Variants in ALK observed in about 807,000 individuals in gnomAD.
ALK encodes ALK tyrosine kinase receptor.
Under a neutral mutation model 163.1 loss-of-function variants are expected in ALK, and 74 were observed. The ratio of observed to expected loss-of-function variants is 0.45; its 90% CI spans 0.38 to 0.55. The LOEUF is 0.55. ALK is among the 20% of genes least tolerant of loss of function. ALK has a pLI of 0.00. For synonymous variants in ALK, 960 were observed against 843.2 expected (o/e 1.14, Z -2.40); for missense variants, 2,063 against 2,105.3 (o/e 0.98, Z 0.39).
chr2:29,315,528 T>A (rs1285935196), intron 8 of ALK, among the ~76,000 whole-genome samples: 1 of 152,178 alleles, frequency 6.6e-6, no homozygotes, highest in Non-Finnish European at 1.5e-5. Flanking sequence ...TCAGTCACAA[T>A]TGGCAAGCAC....
chr2:29,619,307 C>G (rs952536131), intron 3 of ALK, among the ~76,000 whole-genome samples: 1 of 152,200 alleles, frequency 6.6e-6, no homozygotes, highest in African/African-American at 2.4e-5. Flanking sequence ...GTGCCTTAAC[C>G]TCTCTAGGCC....
At chr2:29,409,491 C>T (rs1470114769) in intron 4 of ALK, among the ~76,000 whole-genome samples, 1 of 152,152 alleles carries the variant, frequency 6.6e-6, no homozygotes. Flanking sequence ...AAAAATTACA[C>T]GGAGCCCCCT....
intron 8 of ALK, among the ~76,000 whole-genome samples, chr2:29,308,757 A>G (rs1666603745): frequency 6.6e-6 from 1 of 152,222 alleles, no homozygotes; most frequent in Non-Finnish European, 1.5e-5. Flanking sequence ...ACCAGTGCCC[A>G]GCTTAGCGAA....
At chr2:29,762,313 C>A (rs914646404) in intron 1 of ALK, among the ~76,000 whole-genome samples, 3 of 152,220 alleles carry the variant, frequency 2.0e-5, no homozygotes, top group African/African-American at 7.2e-5. Flanking sequence ...AACGAATTGA[C>A]CTCCACTACA....
chr2:29,207,312 A>G (rs1471674775), intron 25 of ALK, 40 bp from the exon 26 acceptor site: 6 of 1,499,874 alleles, frequency 4.0e-6, no homozygotes, highest in Non-Finnish European at 5.6e-6. Flanking sequence ...GGATCTGGAG[A>G]TGGCATTAAG....
chr2:29,469,779 T>C (rs984850980), intron 4 of ALK, among the ~76,000 whole-genome samples: 2 of 152,224 alleles, frequency 1.3e-5, no homozygotes, highest in East Asian at 1.9e-4. Flanking sequence ...AAATCCTGAT[T>C]GGATCAAGGT....
chr2:29,714,146 T>C (rs562906552), intron 2 of ALK, among the ~76,000 whole-genome samples: 2 of 152,150 alleles, frequency 1.3e-5, no homozygotes, highest in Non-Finnish European at 2.9e-5. Flanking sequence ...TCTAAGGGCA[T>C]GAGAGCTGAT....
intron 5 of ALK, among the ~76,000 whole-genome samples, chr2:29,379,624 CCAG>C (rs1191772115): frequency 7.2e-5 from 11 of 152,032 alleles, no homozygotes; most frequent in Non-Finnish European, 1.3e-4. Context: ...GTAAGGTGGT[CCAG>C]TATAGGCCCC....
At chr2:29,537,746 G>A (rs983481783) in intron 3 of ALK, among the ~76,000 whole-genome samples, 4 of 152,214 alleles carry the variant, frequency 2.6e-5, no homozygotes, top group African/African-American at 9.6e-5. Flanking sequence ...TGGAAAAGCT[G>A]CAGACACTCA....
At chr2:29,898,651 G>C (rs140022112) in intron 1 of ALK, among the ~76,000 whole-genome samples, 11 of 152,130 alleles carry the variant, frequency 7.2e-5, no homozygotes, top group Non-Finnish European at 1.3e-4. Context: ...GGCTGAGCTC[G>C]GGCAGCTCAG....
intron 11 of ALK, among the ~76,000 whole-genome samples, chr2:29,274,748 G>C (rs930153233): frequency 5.9e-5 from 9 of 152,232 alleles, no homozygotes; most frequent in Admixed American, 2.0e-4. Flanking sequence ...TTTATAAGGA[G>C]GAGAAATCTT....
At chr2:29,443,646 G>A (rs1213955171) in intron 4 of ALK, among the ~76,000 whole-genome samples, 2 of 152,160 alleles carry the variant, frequency 1.3e-5, no homozygotes, top group South Asian at 2.1e-4. Flanking sequence ...GAGGCCCTCA[G>A]GATGGTTGGA....
chr2:29,634,879 G>A (rs1005868553), intron 3 of ALK, among the ~76,000 whole-genome samples: 2 of 152,154 alleles, frequency 1.3e-5, no homozygotes, highest in Non-Finnish European at 2.9e-5. Flanking sequence ...ATAGTTGTCT[G>A]TATAGAAAAT....
intron 23 of ALK, among the ~76,000 whole-genome samples, chr2:29,219,321 T>C (rs1219197892): frequency 6.6e-6 from 1 of 152,184 alleles, no homozygotes; most frequent in Non-Finnish European, 1.5e-5. Context: ...GATACTGAGA[T>C]GCGTCACCCA....
intron 4 of ALK, among the ~76,000 whole-genome samples, chr2:29,497,697 T>C (rs1224587906): frequency 6.6e-6 from 1 of 152,228 alleles, no homozygotes; most frequent in East Asian, 1.9e-4. Flanking sequence ...AATCTTTTTC[T>C]TCCTTTTAGG....
At chr2:29,361,254 G>T (rs1322383546) in intron 5 of ALK, among the ~76,000 whole-genome samples, 2 of 152,232 alleles carry the variant, frequency 1.3e-5, no homozygotes, top group Admixed American at 6.5e-5. Context: ...CAGGGTGGGA[G>T]AATTCATTTT....
chr2:29,576,750 C>T (rs1294812433), intron 3 of ALK, among the ~76,000 whole-genome samples: 1 of 152,132 alleles, frequency 6.6e-6, no homozygotes, highest in African/African-American at 2.4e-5. Flanking sequence ...TCAGTGGCTG[C>T]ATTAGATTCT....
At chr2:29,393,613 A>T (rs1329137477) in intron 4 of ALK, among the ~76,000 whole-genome samples, 1 of 152,184 alleles carries the variant, frequency 6.6e-6, no homozygotes, top group Non-Finnish European at 1.5e-5. Context: ...AAACAAAGAC[A>T]TTGGGTCTTC....
At chr2:29,869,691 G>T (rs1041069288) in intron 1 of ALK, among the ~76,000 whole-genome samples, 1 of 152,110 alleles carries the variant, frequency 6.6e-6, no homozygotes, top group African/African-American at 2.4e-5. Flanking sequence ...GCAGGGAAAG[G>T]CTTTCCAAAT....
Sources: allele counts gnomAD v4.1 joint callset (sites outside exome capture counted in the v4.1 genomes callset), GRCh38; gene constraint gnomAD v4.1.1; transcripts MANE v1.5; gene names NCBI Gene and HGNC (gene_info 2026-07-23, HGNC 2026-07-21).